The following CA6 variants were observed in gnomAD, a reference collection of about 807,000 sequenced individuals.
CA6 encodes the protein carbonate dehydratase VI.
A neutral mutation model predicts 35.9 loss-of-function variants in CA6; 28 were observed. The observed-to-expected ratio is 0.78, with a 90% CI of 0.58 to 1.07. The LOEUF (loss-of-function observed/expected upper bound fraction) is 1.07, where lower values mean the gene tolerates loss of function less well. Among genes scored for constraint, CA6 ranks in the 50% least tolerant of loss-of-function variants. The probability of loss-of-function intolerance (pLI) is 0.00; values close to 1 mark genes in which losing one functional copy is unlikely to be tolerated. For synonymous variants in CA6, 148 were observed against 152.6 expected (o/e 0.97, Z 0.22); for missense variants, 377 against 382.0 (o/e 0.99, Z 0.11).
At chr1:8,948,495 G>A (rs1639428620) in intron 1 of CA6, among the ~76,000 whole-genome samples, 1 of 151,808 alleles carries the variant, frequency 6.6e-6, no homozygotes, top group South Asian at 2.1e-4. Flanking sequence ...TAGTGGTGGG[G>A]GGTTCCTGCA....
At chr1:8,960,149 C>G (rs761221524) in intron 4 of CA6, among the ~76,000 whole-genome samples, 7 of 151,086 alleles carry the variant, frequency 4.6e-5, no homozygotes, top group Non-Finnish European at 1.0e-4. Flanking sequence ...GAGAACTACT[C>G]GAACCCAAGA....
chr1:8,949,278 A>T lies in CA6; in HGVS notation c.95A>T (p.Glu32Val), dbSNP rs1249188381. Residue 32 changes from glutamate to valine, a missense_variant, in exon 2 of 8, where the codon GAA becomes GTA. Coordinates refer to ENST00000377443, the MANE Select transcript of CA6 (RefSeq NM_001215.4). ...DWTYSEGALD[E>V]AHWPQHYPAC... ...CCTGTCTTAGAAGGGGCACTGGACG[A>T]AGCGCACTGGCCACAGCACTACCCC... is the stretch of plus-strand genomic sequence containing the variant. 2 of 1,603,952 alleles carry T rather than the reference A, an allele frequency of 1.2e-6. No individual in the cohort carries two copies. The highest frequency in any genetic ancestry group is 1.7e-6 in the Non-Finnish European group (2 of 1,175,852).
rs773475767 is a variant in CA6 at position 8,945,993 on chromosome 1, C to G, written c.79+28C>G. 1.2e-5 allele frequency: 17 copies of G among 1,461,168 alleles called. No homozygotes were observed. The Admixed American group carries it at 1.7e-4, about 14-fold the overall frequency. 90.5% of individuals were successfully genotyped at this position (1,461,168 alleles called of 1,614,324 possible). A position where few individuals can be genotyped will look rare whatever the true frequency, so the allele number is the denominator to read the frequency against. On this transcript the variant is annotated intron_variant, in intron 1 of 7. Transcript: ENST00000377443. ...GAGCCCCTAGCTTCTGCATGCTCCC[C>G]CAGTTACCCTCACACCCTTACAACA...
At position 8,945,881 on chromosome 1, in the gene CA6, A is replaced by G; in HGVS notation, c.-6A>G. ...GAATCAGTCTTCATTACAGATGTGCAGCACCATGAGGGCCCTGGTGCTTCT... is the reference window on the plus strand; with the variant it reads ...GAATCAGTCTTCATTACAGATGTGCGGCACCATGAGGGCCCTGGTGCTTCT... On this transcript the variant is annotated 5_prime_UTR_variant, in exon 1 of 8. Coordinates refer to ENST00000377443, the MANE Select transcript of CA6 (RefSeq NM_001215.4). The G allele has an allele frequency of 1.2e-6, 2 of 1,606,834 alleles. No individual in the cohort carries two copies. Among genetic ancestry groups the G allele is most frequent in the Non-Finnish European group, 1.7e-6 (2 of 1,173,510 alleles).
intron 1 of CA6, among the ~76,000 whole-genome samples, chr1:8,946,581 C>G (rs1471916718): frequency 6.6e-6 from 1 of 152,102 alleles, no homozygotes; most frequent in East Asian, 1.9e-4. Context: ...CAAAAGCACA[C>G]TCACTGCTTC....
intron 2 of CA6, among the ~76,000 whole-genome samples, chr1:8,951,233 AG>A (rs57849116): frequency 0.58 from 79,048 of 135,598 alleles, 21,501 homozygotes; most frequent in East Asian, 0.72. Context: ...AAAAAAAAAA[AG>A]AAAGAAAGAA....
At chr1:8,970,758 C>G in intron 6 of CA6, 109 bp from the exon 7 acceptor site, 1 of 761,566 alleles carries the variant, frequency 1.3e-6, no homozygotes, top group South Asian at 1.4e-5. Context: ...GCCCCAGCCT[C>G]CCAAAATGCT....
At chr1:8,953,659 A>G (rs1487072723) in intron 2 of CA6, among the ~76,000 whole-genome samples, 3 of 151,594 alleles carry the variant, frequency 2.0e-5, no homozygotes, top group African/African-American at 7.3e-5. Flanking sequence ...CAATCAATCA[A>G]TTCCATGTGT....
At chr1:8,957,451 C>T (rs1639719074) in intron 3 of CA6, among the ~76,000 whole-genome samples, 166 bp downstream of exon 3, 1 of 152,184 alleles carries the variant, frequency 6.6e-6, no homozygotes, top group Non-Finnish European at 1.5e-5. Context: ...AGCAATTCTC[C>T]TGCCTTAGTC....
At chr1:8,946,038 T>C (rs1172301939) in intron 1 of CA6, 73 bp downstream of exon 1, 5 of 905,150 alleles carry the variant, frequency 5.5e-6, no homozygotes, top group Non-Finnish European at 6.8e-6. Context: ...CCCTTCTTCT[T>C]CTTCTTTTTT....
chr1:8,946,205 T>G (rs909688396), intron 1 of CA6, among the ~76,000 whole-genome samples: 1 of 152,022 alleles, frequency 6.6e-6, no homozygotes, highest in African/African-American at 2.4e-5. Context: ...GCCTGGCTAA[T>G]TTTTGTATTT....
At chr1:8,969,669 A>G (rs1298299982) in intron 6 of CA6, among the ~76,000 whole-genome samples, 1 of 151,476 alleles carries the variant, frequency 6.6e-6, no homozygotes, top group Non-Finnish European at 1.5e-5. Flanking sequence ...GTGTGTGTAT[A>G]CACAACATCC....
intron 7 of CA6, among the ~76,000 whole-genome samples, 158 bp downstream of exon 7, chr1:8,971,139 G>A (rs1230671740): frequency 6.6e-6 from 1 of 152,070 alleles, no homozygotes; most frequent in African/African-American, 2.4e-5. Flanking sequence ...TGGGCAGAGG[G>A]TGATGACTTT....
chr1:8,956,949 C>T lies in CA6; in HGVS notation c.260-188C>T, dbSNP rs79894174. Among the ~76,000 whole-genome samples the T allele has an allele frequency of 6.6e-5, 10 of 152,316 alleles. No homozygotes were observed. In the East Asian group the frequency reaches 1.2e-3, roughly 18 times the overall value. ...GTGCCTGGCCTCCATCCTGACCTCA[C>T]CCTGTGCCCTGTGCGCAAACGCCTC... is the stretch of plus-strand genomic sequence containing the variant. On this transcript the variant is annotated intron_variant, in intron 2 of 7. Transcript: ENST00000377443.
chr1:8,957,262 G>T lies in CA6; in HGVS notation c.385G>T (p.Asp129Tyr). The T allele has an allele frequency of 6.2e-7, 1 of 1,613,530 alleles. No individual in the cohort carries two copies. Residue 129 changes from aspartate to tyrosine, a missense_variant, in exon 3 of 8, where the codon GAC (aspartate) becomes TAC (tyrosine). Transcript: ENST00000377443. ...GATCAGCGGCTCTGAGCACACCGTG[G>T]ACGGGATCAGACATGTGATCGAGGT... ...SEISGSEHTVDGIRHVIEIHI... is the reference protein window; with the variant it reads ...SEISGSEHTVYGIRHVIEIHI...
chr1:8,967,308 A>G (rs1380886981), intron 5 of CA6, among the ~76,000 whole-genome samples: 1 of 152,172 alleles, frequency 6.6e-6, no homozygotes, highest in Non-Finnish European at 1.5e-5. Flanking sequence ...ACTTAGGAGT[A>G]CTTCCCTATG....
intron 1 of CA6, 73 bp from the exon 2 acceptor site, chr1:8,949,190 C>A: frequency 8.0e-7 from 1 of 1,256,302 alleles, no homozygotes; most frequent in Non-Finnish European, 1.1e-6. Flanking sequence ...GGCCTCTGGC[C>A]TCTGGCCTGG....
intron 6 of CA6, among the ~76,000 whole-genome samples, chr1:8,968,294 T>G (rs1183943459): frequency 6.6e-6 from 1 of 151,998 alleles, no homozygotes; most frequent in Non-Finnish European, 1.5e-5. Context: ...TTTCATTTCC[T>G]TAGAAAAAGG....
At chr1:8,970,625 C>T (rs1640084332) in intron 6 of CA6, among the ~76,000 whole-genome samples, 2 of 152,070 alleles carry the variant, frequency 1.3e-5, no homozygotes, top group Non-Finnish European at 2.9e-5. Flanking sequence ...TCTCCTGCCT[C>T]AGCCTCCTGA....
Sources: allele counts gnomAD v4.1 joint callset (sites outside exome capture counted in the v4.1 genomes callset), GRCh38; gene constraint gnomAD v4.1.1; transcripts MANE v1.5; gene names NCBI Gene and HGNC (gene_info 2026-07-23, HGNC 2026-07-21).